Variants in ADAMTS14 observed in about 807,000 individuals in gnomAD.
ADAMTS14 encodes the protein ADAM metallopeptidase with thrombospondin type 1 motif 14.
ADAMTS14 carries 100 observed loss-of-function variants against 128.6 expected under a neutral mutation model. That is an observed-to-expected ratio of 0.78 (90% CI 0.66 to 0.92). The LOEUF is 0.92. Among genes scored for constraint, ADAMTS14 ranks in the 40% least tolerant of loss-of-function variants. The pLI is 0.00. For synonymous variants in ADAMTS14, 665 were observed against 653.8 expected, an observed-to-expected ratio of 1.02 and a Z score of -0.26; for missense variants, 1,562 against 1,658.6, an observed-to-expected ratio of 0.94 and a Z score of 1.01.
chr10:70,679,650 C>T (rs1244208799), intron 2 of ADAMTS14, among the ~76,000 whole-genome samples: 4 of 152,234 alleles, frequency 2.6e-5, no homozygotes, highest in Admixed American at 6.5e-5. Context: ...TGATGCCCTG[C>T]GACGGGGTGA....
In ADAMTS14 at chr10:70,693,655, C is replaced by G. The variant is rs370755056; in HGVS notation, c.523-8657C>G. On this transcript the variant is annotated intron_variant, in intron 2 of 21. Transcript: ENST00000373207. ...GCATTTGAACTCAGGAACTCTCTGG[C>G]TCTAGGGTCTCTGCATTTACCCACC... Among the ~76,000 whole-genome samples, 13 of 152,298 alleles carry G rather than the reference C, an allele frequency of 8.5e-5. No individual in the cohort carries two copies. The East Asian group carries it at 1.9e-3, about 23-fold the overall frequency.
At chr10:70,738,110 G>T (rs1041504704) in intron 10 of ADAMTS14, among the ~76,000 whole-genome samples, 1 of 152,134 alleles carries the variant, frequency 6.6e-6, no homozygotes, top group Non-Finnish European at 1.5e-5. Context: ...TGATTCCAAG[G>T]TTGAGAGCCA....
At chr10:70,734,874 G>A (rs1031263134) in intron 8 of ADAMTS14, among the ~76,000 whole-genome samples, 1 of 152,190 alleles carries the variant, frequency 6.6e-6, no homozygotes, top group Non-Finnish European at 1.5e-5. Context: ...GTCCCTCTAA[G>A]GTGGGCAAAA....
intron 15 of ADAMTS14, among the ~76,000 whole-genome samples, chr10:70,749,435 A>C (rs1204015566): frequency 7.2e-5 from 11 of 152,182 alleles, no homozygotes; most frequent in Non-Finnish European, 1.2e-4. Context: ...ATGCTCTGCT[A>C]TAGAAATTCT....
At chr10:70,725,235 G>A (rs1841390424) in intron 4 of ADAMTS14, among the ~76,000 whole-genome samples, 1 of 152,160 alleles carries the variant, frequency 6.6e-6, no homozygotes, top group Non-Finnish European at 1.5e-5. Flanking sequence ...CAGTGAAACT[G>A]CCAGCAGGAG....
intron 4 of ADAMTS14, 44 bp downstream of exon 4, chr10:70,708,822 G>C (rs1554817518): frequency 2.3e-6 from 3 of 1,307,328 alleles, no homozygotes; most frequent in Non-Finnish European, 3.1e-6. Context: ...GTGGGGTGGG[G>C]TGGGCCCCAC....
chr10:70,724,856 A>C (rs541759514), intron 4 of ADAMTS14, among the ~76,000 whole-genome samples: 1 of 152,272 alleles, frequency 6.6e-6, no homozygotes, highest in Non-Finnish European at 1.5e-5. Context: ...TAGTATAAGA[A>C]AAGACCCAAC....
chr10:70,718,611 C>G (rs1841140341), intron 4 of ADAMTS14, among the ~76,000 whole-genome samples: 1 of 151,424 alleles, frequency 6.6e-6, no homozygotes, highest in South Asian at 2.1e-4. Context: ...GTCTCGAACA[C>G]CTGACCTCAA....
rs1840081096 is a variant in ADAMTS14 at position 70,688,843 on chromosome 10, C to CGGAGGGAGAGGG, written c.523-13463_523-13462insAGAGGGGGAGGG. Among the ~76,000 whole-genome samples the CGGAGGGAGAGGG allele has an allele frequency of 2.9e-3, 12 of 4,174 alleles. 4 individuals carry two copies. Among genetic ancestry groups the CGGAGGGAGAGGG allele is most frequent in the Admixed American group, 7.5e-3 (2 of 268 alleles). The allele number at this position is 4,174 out of a possible 152,430, so 2.7% of individuals were successfully genotyped here. A position where few individuals can be genotyped will look rare whatever the true frequency, so the allele number is the denominator to read the frequency against. On this transcript the variant is annotated intron_variant, in intron 2 of 21. Coordinates refer to ENST00000373207, the MANE Select transcript of ADAMTS14 (RefSeq NM_080722.4). ...CTTCGGCTCCGCATGAGAGGGAGAC[C>CGGAGGGAGAGGG]GGAGGGGGAGGGGGAGGGGGAGGGG...
intron 6 of ADAMTS14, among the ~76,000 whole-genome samples, chr10:70,730,725 A>C (rs182438316): frequency 1.4e-3 from 209 of 152,282 alleles, no homozygotes; most frequent in Non-Finnish European, 2.3e-3. Flanking sequence ...CAATTGTGGA[A>C]TGGGGAACAT....
intron 4 of ADAMTS14, among the ~76,000 whole-genome samples, chr10:70,726,947 G>A (rs536497223): frequency 6.6e-6 from 1 of 152,358 alleles, no homozygotes; most frequent in South Asian, 2.1e-4. Context: ...GTGGGCATTG[G>A]CATTGTTCCT....
At chr10:70,698,373 C>T (rs1383683543) in intron 2 of ADAMTS14, among the ~76,000 whole-genome samples, 1 of 152,218 alleles carries the variant, frequency 6.6e-6, no homozygotes, top group Non-Finnish European at 1.5e-5. Flanking sequence ...AGAAAGTGCT[C>T]ACTGCCAGCC....
intron 2 of ADAMTS14, among the ~76,000 whole-genome samples, chr10:70,701,055 A>C (rs1012916728): frequency 6.6e-6 from 1 of 152,214 alleles, no homozygotes; most frequent in African/African-American, 2.4e-5. Flanking sequence ...GAAGCACAGA[A>C]GGCAACCATC....
intron 4 of ADAMTS14, among the ~76,000 whole-genome samples, chr10:70,726,383 A>T (rs1267258982): frequency 6.6e-6 from 1 of 152,218 alleles, no homozygotes; most frequent in Non-Finnish European, 1.5e-5. Flanking sequence ...TACAAGAAAG[A>T]CACGTGGAGG....
intron 2 of ADAMTS14, among the ~76,000 whole-genome samples, chr10:70,685,572 T>G (rs114824177): frequency 1.3e-5 from 2 of 152,000 alleles, no homozygotes; most frequent in Non-Finnish European, 2.9e-5. Flanking sequence ...GAGGCTCAAG[T>G]TGGGGAGGAG....
In ADAMTS14 at chr10:70,730,229, G is replaced by A. The variant is rs1445468209; in HGVS notation, c.1082G>A (p.Arg361Gln). ...CATGACCACGTTGTGTTCCTCACCC[G>A]GCAGGACTTTGGGCCCTCAGGTATG... The part of the protein sequence containing the change: ...EHHDHVVFLT[R>Q]QDFGPSGYAP... The change falls in exon 6 of 22, where the codon CGG (arginine) becomes CAG (glutamine). Residue 361 changes from arginine to glutamine, a missense_variant. Transcript: ENST00000373207. 1.2e-5 allele frequency: 19 copies of A among 1,614,060 alleles called. No homozygotes were observed. The Middle Eastern group carries it at 5.0e-4, about 42-fold the overall frequency.
chr10:70,742,803 T>C (rs1212967698), intron 12 of ADAMTS14, among the ~76,000 whole-genome samples: 1 of 152,218 alleles, frequency 6.6e-6, no homozygotes, highest in Admixed American at 6.5e-5. Context: ...AACCTCCTTT[T>C]TAGGATATCT....
rs2132769080 is a variant in ADAMTS14, at chr10:70,761,526, A to C, written c.*673A>C. The C allele has an allele frequency of 6.6e-6, 1 of 152,330 alleles. No homozygotes were observed. Among genetic ancestry groups the C allele is most frequent in the East Asian group, 1.9e-4 (1 of 5,178 alleles). 9.4% of individuals were successfully genotyped at this position (152,330 alleles called of 1,614,324 possible). On this transcript the variant is annotated 3_prime_UTR_variant, in exon 22 of 22. Transcript: ENST00000373207. ...GCTCATGGCCATACTCTGGCCTTGC[A>C]GATGTCACTAGTGTTACTTCTAGTG...
At chr10:70,731,637 C>T (rs1253662813) in intron 6 of ADAMTS14, among the ~76,000 whole-genome samples, 2 of 152,204 alleles carry the variant, frequency 1.3e-5, no homozygotes, top group African/African-American at 4.8e-5. Context: ...TCTCAGCTGT[C>T]CTTCACTGCC....
Sources: allele counts gnomAD v4.1 joint callset (sites outside exome capture counted in the v4.1 genomes callset), GRCh38; gene constraint gnomAD v4.1.1; transcripts MANE v1.5; gene names NCBI Gene and HGNC (gene_info 2026-07-23, HGNC 2026-07-21).